Variants in ACACA observed in about 807,000 individuals in gnomAD.
ACACA encodes acetyl-CoA carboxylase alpha.
Under a neutral mutation model 296.1 loss-of-function variants are expected in ACACA, and 103 were observed. The ratio of observed to expected loss-of-function variants is 0.35; its 90% CI spans 0.30 to 0.41. ACACA has a LOEUF of 0.41. Ranked by LOEUF, ACACA falls within the 10% of genes least tolerant of loss-of-function variation. The pLI is 1.00. For synonymous variants in ACACA, 953 were observed against 1,038.6 expected, an observed-to-expected ratio of 0.92 and a Z score of 1.58; for missense variants, 1,554 against 2,989.7, an observed-to-expected ratio of 0.52 and a Z score of 11.20.
intron 4 of ACACA, 46 bp from the exon 5 acceptor site, chr17:37,283,451 A>T: frequency 6.2e-7 from 1 of 1,606,484 alleles, no homozygotes; most frequent in South Asian, 1.1e-5. Flanking sequence ...GGCAGAAAAA[A>T]GCAACAATGG....
At chr17:37,242,336 C>A (rs1239775038) in intron 22 of ACACA, among the ~76,000 whole-genome samples, 1 of 152,108 alleles carries the variant, frequency 6.6e-6, no homozygotes, top group East Asian at 1.9e-4. Flanking sequence ...ATCCAAACAT[C>A]ACTCCCCACT....
chr17:37,243,627 T>C (rs1214723789), intron 21 of ACACA, 68 bp from the exon 22 acceptor site: 4 of 1,533,514 alleles, frequency 2.6e-6, no homozygotes, highest in African/African-American at 1.4e-5. Flanking sequence ...AGATATATAG[T>C]TGTCATTCTG....
chr17:37,179,779 T>C (rs765830517), intron 40 of ACACA, among the ~76,000 whole-genome samples: 1 of 151,976 alleles, frequency 6.6e-6, no homozygotes. Context: ...CAAAGGAATA[T>C]CCAGGAAAAT....
At chr17:37,306,468 A>AGC (rs1470852177) in intron 3 of ACACA, among the ~76,000 whole-genome samples, 3 of 152,128 alleles carry the variant, frequency 2.0e-5, no homozygotes, top group African/African-American at 4.8e-5. Flanking sequence ...ATATATATAT[A>AGC]GCCATATAAC....
intron 1 of ACACA, among the ~76,000 whole-genome samples, chr17:37,377,247 T>C (rs899461096): frequency 9.2e-5 from 14 of 152,204 alleles, no homozygotes; most frequent in Non-Finnish European, 1.8e-4. Flanking sequence ...TAGACTTTCA[T>C]TAACTTAGTA....
chr17:37,365,104 C>T (rs1286533344), intron 1 of ACACA, among the ~76,000 whole-genome samples: 1 of 152,036 alleles, frequency 6.6e-6, no homozygotes, highest in Non-Finnish European at 1.5e-5. Flanking sequence ...TCCCGAGTAG[C>T]TGGAATCACA....
At chr17:37,164,229 C>G (rs775615320) in intron 41 of ACACA, among the ~76,000 whole-genome samples, 2 of 152,048 alleles carry the variant, frequency 1.3e-5, no homozygotes, top group African/African-American at 2.4e-5. Flanking sequence ...AGCTGGCCAT[C>G]AAGAAGGGCC....
At chr17:37,364,141 T>TA (rs2049519651) in intron 1 of ACACA, among the ~76,000 whole-genome samples, 2 of 146,876 alleles carry the variant, frequency 1.4e-5, no homozygotes, top group African/African-American at 5.0e-5. Context: ...AAATAAAAAA[T>TA]AAAAAAATTG....
intron 3 of ACACA, among the ~76,000 whole-genome samples, chr17:37,297,167 C>G (rs146738100): frequency 6.6e-6 from 1 of 151,258 alleles, no homozygotes; most frequent in Non-Finnish European, 1.5e-5. Context: ...TAAGGCCGGG[C>G]GCGGTGGCTC....
chr17:37,357,898 A>G (rs1017892824), intron 1 of ACACA, among the ~76,000 whole-genome samples: 6 of 152,200 alleles, frequency 3.9e-5, no homozygotes, highest in Non-Finnish European at 7.3e-5. Context: ...ATGTAACCAA[A>G]GAAAGCATGC....
chr17:37,339,691 C>T, intron 2 of ACACA, 113 bp downstream of exon 2: 1 of 719,052 alleles, frequency 1.4e-6, no homozygotes. Flanking sequence ...CTAAATCTGC[C>T]TATATTATTT....
chr17:37,280,861 ACAAGGTCCCCCTTGG>A, intron 5 of ACACA, among the ~76,000 whole-genome samples: 1 of 152,192 alleles, frequency 6.6e-6, no homozygotes, highest in East Asian at 1.9e-4. Flanking sequence ...AGGATGGAAA[ACAAGGTCCCCCTTGG>A]CAAATACTAT....
At chr17:37,229,399 G>T (rs1332107873) in intron 25 of ACACA, among the ~76,000 whole-genome samples, 2 of 151,734 alleles carry the variant, frequency 1.3e-5, no homozygotes, top group South Asian at 4.1e-4. Context: ...CGCCTCCGGG[G>T]TTCACGCCAT....
intron 11 of ACACA, among the ~76,000 whole-genome samples, chr17:37,259,762 C>T (rs1338005617): frequency 6.6e-6 from 1 of 152,102 alleles, no homozygotes; most frequent in African/African-American, 2.4e-5. Flanking sequence ...CAACCTCACC[C>T]CACCAGACAT....
intron 3 of ACACA, among the ~76,000 whole-genome samples, chr17:37,317,527 T>C (rs564221842): frequency 2.0e-5 from 3 of 152,238 alleles, no homozygotes; most frequent in East Asian, 1.9e-4. Flanking sequence ...CATGCCACTG[T>C]ACTCCAGCCT....
chr17:37,388,027 T>A (rs886639209), intron 1 of ACACA: 3 of 152,050 alleles, frequency 2.0e-5, no homozygotes, highest in African/African-American at 7.2e-5. Context: ...TAGCCGGGCA[T>A]GGTGGCGTTC....
intron 17 of ACACA, 27 bp from the exon 18 acceptor site, chr17:37,248,183 T>C: frequency 6.2e-7 from 1 of 1,613,992 alleles, no homozygotes; most frequent in Non-Finnish European, 8.5e-7. Context: ...TGAGGATCAG[T>C]GTGTCCCTTC....
intron 41 of ACACA, among the ~76,000 whole-genome samples, chr17:37,178,930 A>C (rs887946646): frequency 2.0e-5 from 3 of 152,226 alleles, no homozygotes; most frequent in African/African-American, 7.2e-5. Flanking sequence ...TGTTTCATCT[A>C]CACACCCACC....
intron 5 of ACACA, 101 bp downstream of exon 5, chr17:37,283,164 CTA>C (rs2082621195): frequency 7.2e-7 from 1 of 1,383,028 alleles, no homozygotes; most frequent in Non-Finnish European, 1.0e-6. Context: ...CTTGGAAGTC[CTA>C]TGTTTGGGAA....
Sources: gnomAD v4.1 joint callset for allele counts (sites outside exome capture counted in the v4.1 genomes callset) on GRCh38, gnomAD v4.1.1 for gene constraint, MANE v1.5 for transcripts, NCBI Gene and HGNC (gene_info 2026-07-23, HGNC 2026-07-21) for gene names.